Variants in DNAAF5 observed in about 807,000 individuals in gnomAD.
DNAAF5 encodes the protein dynein axonemal assembly factor 5.
In DNAAF5, 64 loss-of-function variants were observed where a neutral mutation model predicts 75.8. The observed-to-expected ratio is 0.84, with a 90% CI of 0.69 to 1.04. The LOEUF is 1.04. Ranked by LOEUF, DNAAF5 falls within the 50% of genes least tolerant of loss-of-function variation. The probability of loss-of-function intolerance (pLI) is 0.00; values close to 1 mark genes in which losing one functional copy is unlikely to be tolerated. For synonymous variants in DNAAF5, 657 were observed against 557.2 expected, an observed-to-expected ratio of 1.18 and a Z score of -2.52; for missense variants, 1,269 against 1,178.5, an observed-to-expected ratio of 1.08 and a Z score of -1.12.
In DNAAF5 at chr7:780,875, GTTCT is replaced by G. The variant is rs1421991547; in HGVS notation, c.2431+734_2431+737del. Among the ~76,000 whole-genome samples, 4 of 130,318 alleles carry G rather than the reference GTTCT, an allele frequency of 3.1e-5. No homozygotes were observed. In the East Asian group the frequency reaches 8.7e-4, roughly 28 times the overall value. The allele number at this position is 130,318 out of a possible 152,430, so 85.5% of individuals were successfully genotyped here. ...TGTTGTTGGTGAATATAATGACGTT[GTTCT>G]TTTTTTTAATAAAATTTGTATTTTT... On this transcript the variant is annotated intron_variant, in intron 12 of 12. Coordinates refer to ENST00000297440, the MANE Select transcript of DNAAF5 (RefSeq NM_017802.4).
intron 6 of DNAAF5, 120 bp downstream of exon 6, chr7:757,114 C>T (rs1782510229): frequency 5.1e-6 from 5 of 972,066 alleles, no homozygotes; most frequent in Non-Finnish European, 6.0e-6. Context: ...GTCGGAAGCA[C>T]CCAGCGACGT....
At chr7:741,043 G>C (rs1781891920) in intron 3 of DNAAF5, 100 bp downstream of exon 3, 1 of 1,372,930 alleles carries the variant, frequency 7.3e-7, no homozygotes, top group East Asian at 2.3e-5. Flanking sequence ...ACCTGCTGGT[G>C]TCCCTTTGTC....
At chr7:783,854 G>C (rs1049495759) in intron 12 of DNAAF5, among the ~76,000 whole-genome samples, 25 of 152,240 alleles carry the variant, frequency 1.6e-4, no homozygotes, top group African/African-American at 6.0e-4. Flanking sequence ...TCAGGACCTT[G>C]CTCTAGGCCG....
chr7:733,514 T>C (rs1236251899), intron 2 of DNAAF5, among the ~76,000 whole-genome samples: 5 of 152,188 alleles, frequency 3.3e-5, no homozygotes, highest in Admixed American at 3.3e-4. Context: ...CTTTCTTTTT[T>C]TTGAGACAGT....
intron 1 of DNAAF5, 30 bp from the exon 2 acceptor site, chr7:729,633 C>G (rs1781498148): frequency 1.2e-6 from 2 of 1,602,982 alleles, no homozygotes; most frequent in Non-Finnish European, 1.7e-6. Flanking sequence ...GGGAGCAGCT[C>G]TGGTAACTGG....
At chr7:757,051 T>G (rs2128079005) in intron 6 of DNAAF5, 57 bp downstream of exon 6, 1 of 1,492,850 alleles carries the variant, frequency 6.7e-7, no homozygotes, top group Non-Finnish European at 9.0e-7. Context: ...TGCCCGGCCG[T>G]CAGCCATCGT....
chr7:769,936 C>T (rs1031809512), intron 8 of DNAAF5, among the ~76,000 whole-genome samples: 31 of 151,928 alleles, frequency 2.0e-4, no homozygotes, highest in African/African-American at 7.0e-4. Context: ...CGTGAGCCAC[C>T]ACGTCCAGGT....
At chr7:764,156 A>G (rs1016370686) in intron 8 of DNAAF5, among the ~76,000 whole-genome samples, 182 bp downstream of exon 8, 7 of 152,230 alleles carry the variant, frequency 4.6e-5, no homozygotes, top group African/African-American at 1.7e-4. Flanking sequence ...GGAGCATCGC[A>G]TTGAAGACTG....
chr7:757,107 G>A (rs528497150), intron 6 of DNAAF5, 113 bp downstream of exon 6: 26 of 1,057,308 alleles, frequency 2.5e-5, no homozygotes, highest in Non-Finnish European at 3.1e-5. Context: ...CTGGGCTGTC[G>A]GAAGCACCCA....
At chr7:758,875 G>T (rs1782563605) in intron 6 of DNAAF5, among the ~76,000 whole-genome samples, 1 of 152,016 alleles carries the variant, frequency 6.6e-6, no homozygotes, top group Non-Finnish European at 1.5e-5. Flanking sequence ...TAGAGACGGG[G>T]TTTCTCCATG....
At position 772,982 on chromosome 7, in the gene DNAAF5, T is replaced by A. The variant is rs879303203; in HGVS notation, c.1932-1066T>A. Reference sequence around the variant, plus strand: ...AATTAAAAAAAAAAAAAAAAAAATTTAAAAAAACCTAAGCACTCCTAGGTG... The same window carrying A: ...AATTAAAAAAAAAAAAAAAAAAATTAAAAAAAACCTAAGCACTCCTAGGTG... On this transcript the variant is annotated intron_variant, in intron 9 of 12. Coordinates refer to ENST00000297440, the MANE Select transcript of DNAAF5 (RefSeq NM_017802.4). 370 of 147,824 alleles carry A rather than the reference T, an allele frequency of 2.5e-3. 2 individuals are homozygous for A. Among genetic ancestry groups the A allele is most frequent in the African/African-American group, 8.8e-3 (351 of 39,762 alleles). 9.2% of individuals were successfully genotyped at this position (147,824 alleles called of 1,614,324 possible).
At chr7:769,025 T>C (rs1778457894) in intron 8 of DNAAF5, 2 of 626,194 alleles carry the variant, frequency 3.2e-6, no homozygotes, top group Non-Finnish European at 5.9e-6. Flanking sequence ...GGGGAGGCCC[T>C]CCAAGACACC....
At chr7:783,822 T>G (rs983478112) in intron 12 of DNAAF5, among the ~76,000 whole-genome samples, 2 of 151,846 alleles carry the variant, frequency 1.3e-5, no homozygotes, top group Admixed American at 6.5e-5. Flanking sequence ...TCTCCTACTC[T>G]CAGCCTCAGC....
chr7:744,374 A>G (rs1431145564), intron 4 of DNAAF5, among the ~76,000 whole-genome samples: 4 of 152,252 alleles, frequency 2.6e-5, no homozygotes, highest in African/African-American at 9.6e-5. Context: ...AGTCTTTGCT[A>G]TTGTGAATAG....
chr7:728,732 C>G (rs951627529), intron 1 of DNAAF5, among the ~76,000 whole-genome samples: 1 of 152,224 alleles, frequency 6.6e-6, no homozygotes, highest in Non-Finnish European at 1.5e-5. Context: ...CCAAGCGCAG[C>G]CTGCTGGGGT....
At chr7:741,135 G>A (rs890984781) in intron 3 of DNAAF5, among the ~76,000 whole-genome samples, 192 bp downstream of exon 3, 10 of 152,228 alleles carry the variant, frequency 6.6e-5, no homozygotes, top group African/African-American at 1.9e-4. Context: ...ATTGGACTGA[G>A]TATATCGACA....
At position 761,341 on chromosome 7, in the gene DNAAF5, C is replaced by T. The variant is rs1372752863; in HGVS notation, c.1471-412C>T. ...CCCGGGCGGGCTCTGTCGGCCCTGA[C>T]ACTGGGGCCGGAGCGGGAGCCCTGT... On this transcript the variant is annotated intron_variant, in intron 6 of 12. Coordinates refer to ENST00000297440, the MANE Select transcript of DNAAF5 (RefSeq NM_017802.4). Among the ~76,000 whole-genome samples, 3 of 152,368 alleles carry T rather than the reference C, an allele frequency of 2.0e-5. No homozygotes were observed. In the East Asian group the frequency reaches 5.8e-4, roughly 29 times the overall value.
At chr7:731,948 C>A (rs929355710) in intron 2 of DNAAF5, among the ~76,000 whole-genome samples, 1 of 152,188 alleles carries the variant, frequency 6.6e-6, no homozygotes, top group Non-Finnish European at 1.5e-5. Context: ...GACTGGTGCC[C>A]TGGGACCCCA....
In DNAAF5 at chr7:726,964, C is replaced by G; in HGVS notation, c.244C>G (p.Leu82Val). The G allele has an allele frequency of 7.6e-7, 1 of 1,316,164 alleles. No individual in the cohort carries two copies. Among genetic ancestry groups the G allele is most frequent in the Non-Finnish European group, 9.7e-7 (1 of 1,028,124 alleles). The allele number at this position is 1,316,164 out of a possible 1,614,324, so 81.5% of individuals were successfully genotyped here. ...GGCGCGCCTACTGCTGCCGCGCTTG[C>G]TGCGCTGCCTGAGCGACCCCGCCGA... ...PWARLLLPRL[L>V]RCLSDPAEGC... is the part of the protein sequence containing the mutation. Residue 82 changes from leucine (L) to valine (V), a missense_variant, in exon 1 of 13, where the codon CTG (leucine) becomes GTG (valine). Leu to Val is a conservative substitution (Grantham distance 32). Coordinates refer to ENST00000297440, the MANE Select transcript of DNAAF5 (RefSeq NM_017802.4).
Sources: allele counts gnomAD v4.1 joint callset (sites outside exome capture counted in the v4.1 genomes callset), GRCh38; gene constraint gnomAD v4.1.1; transcripts MANE v1.5; gene names NCBI Gene and HGNC (gene_info 2026-07-23, HGNC 2026-07-21).